Variants in PSME1 observed in about 807,000 individuals in gnomAD.
PSME1 encodes the protein proteasome activator subunit 1.
PSME1 carries 15 observed loss-of-function variants against 38.4 expected under a neutral mutation model. That is an observed-to-expected ratio of 0.39 (90% CI 0.26 to 0.60). The LOEUF (loss-of-function observed/expected upper bound fraction) is 0.60. PSME1 is among the 20% of genes least tolerant of loss of function. The pLI is 0.53. For synonymous variants in PSME1, 106 were observed against 106.8 expected (o/e 0.99, Z 0.05); for missense variants, 249 against 305.6 (o/e 0.81, Z 1.38).
Position 24,138,563 on chromosome 14 carries a change from G to A in PSME1, c.669+3G>A, listed in dbSNP as rs574149922. ...TCATGGAGATCCGCAATGCTTATGT[G>A]AGGAGGCAAGGGCAGGGCAGGGGTG... On this transcript the variant is annotated splice_donor_region_variant and intron_variant, in intron 10 of 10. Coordinates refer to ENST00000206451, the MANE Select transcript of PSME1 (RefSeq NM_006263.4). The A allele has an allele frequency of 6.2e-7, 1 of 1,614,114 alleles. No individual in the cohort carries two copies. Among genetic ancestry groups the A allele is most frequent in the South Asian group, 1.1e-5 (1 of 91,076 alleles).
rs2037899332 is a variant in PSME1 at position 24,136,269 on chromosome 14, A to G, written c.7A>G (p.Met3Val). The G allele has an allele frequency of 6.5e-7, 1 of 1,529,916 alleles. No homozygotes were observed. The highest frequency in any genetic ancestry group is 8.8e-7 in the Non-Finnish European group (1 of 1,139,560). The allele number at this position is 1,529,916 out of a possible 1,614,324, so 94.8% of individuals were successfully genotyped here. ...TAGGCCCCCCGTCCCGGTCATGGCC[A>G]TGCTCAGGGTCCAGCCCGAGGCCCA... MA[M>V]LRVQPEAQAK... The change falls in exon 1 of 11, where the codon ATG becomes GTG. Residue 3 changes from methionine (M) to valine (V), a missense_variant. By Grantham distance (21) the Met-to-Val change is conservative. Transcript: ENST00000206451. This position sits in a 1 kb window ranked among gnomAD's most constrained non-coding sequence, Gnocchi z 4.8.
In PSME1 at chr14:24,138,927, CCT is replaced by C; in HGVS notation, c.*115_*116del. 6.3e-7 allele frequency: 1 copy of C among 1,593,102 alleles called. No homozygotes were observed. The highest frequency in any genetic ancestry group is 1.1e-5 in the South Asian group (1 of 89,404). ...CTGTTGAGATTTTTCCCTCACCTTG[CCT>C]CTCAGGCACAATAAATATAGTTATA... On this transcript the variant is annotated 3_prime_UTR_variant, in exon 11 of 11. Transcript: ENST00000206451.
chr14:24,138,442 G>GT, intron 9 of PSME1, 32 bp from the exon 10 acceptor site: 1 of 1,614,214 alleles, frequency 6.2e-7, no homozygotes. Flanking sequence ...AAGGACACAT[G>GT]TAAGGTCAGG....
Position 24,136,443 on chromosome 14 carries a change from G to A in PSME1, c.39+142G>A. 6.1e-6 allele frequency: 5 copies of A among 821,218 alleles called. No individual in the cohort carries two copies. Among genetic ancestry groups the A allele is most frequent in the Non-Finnish European group, 8.7e-6 (5 of 576,460 alleles). 50.9% of individuals were successfully genotyped at this position (821,218 alleles called of 1,614,324 possible). A position where few individuals can be genotyped will look rare whatever the true frequency, so the allele number is the denominator to read the frequency against. ...GCGCGCCCGGAGCACCTGCGCCCCG[G>A]GGAGGGCGGCGACTGCTGCCTGCGG... On this transcript the variant is annotated intron_variant, in intron 1 of 10. Transcript: ENST00000206451. The surrounding 1 kb of genome is among the most constrained non-coding windows in gnomAD (Gnocchi z 4.8).
At position 24,136,954 on chromosome 14, in the gene PSME1, A is replaced by T. The variant is rs1423376552; in HGVS notation, c.40-31A>T. 1 of 1,613,864 alleles carries T rather than the reference A, an allele frequency of 6.2e-7. No individual in the cohort carries two copies. The highest frequency in any genetic ancestry group is 8.5e-7 in the Non-Finnish European group (1 of 1,180,038). Reference sequence around the variant, plus strand: ...CCTCAAATGAACTGGCCTTAAAGCCAAGTTTCTGAAGGGATGCGTGTGCCC... The same window carrying T: ...CCTCAAATGAACTGGCCTTAAAGCCTAGTTTCTGAAGGGATGCGTGTGCCC... On this transcript the variant is annotated intron_variant, in intron 1 of 10. Transcript: ENST00000206451. This position sits in a 1 kb window ranked among gnomAD's most constrained non-coding sequence, Gnocchi z 4.8.
chr14:24,136,445 G>GA lies in PSME1; in HGVS notation c.39+145dup, dbSNP rs2037903848. 5.0e-6 allele frequency: 4 copies of GA among 793,452 alleles called. No individual in the cohort carries two copies. The highest frequency in any genetic ancestry group is 7.3e-6 in the Non-Finnish European group (4 of 551,280). The allele number at this position is 793,452 out of a possible 1,614,324, so 49.2% of individuals were successfully genotyped here. A position where few individuals can be genotyped will look rare whatever the true frequency, so the allele number is the denominator to read the frequency against. On this transcript the variant is annotated intron_variant, in intron 1 of 10. Coordinates refer to ENST00000206451, the MANE Select transcript of PSME1 (RefSeq NM_006263.4). This position sits in a 1 kb window ranked among gnomAD's most constrained non-coding sequence, Gnocchi z 4.8. ...GCGCCCGGAGCACCTGCGCCCCGGG[G>GA]AGGGCGGCGACTGCTGCCTGCGGGG...
In PSME1 at chr14:24,136,932, C is replaced by T. The variant is rs557589153; in HGVS notation, c.40-53C>T. The T allele has an allele frequency of 4.0e-5, 65 of 1,611,656 alleles. No individual in the cohort carries two copies. The South Asian group carries it at 6.7e-4, about 17-fold the overall frequency. ...TACATAACCCTAAGGGAACTGTCCT[C>T]AAATGAACTGGCCTTAAAGCCAAGT... is the stretch of plus-strand genomic sequence containing the variant. On this transcript the variant is annotated intron_variant, in intron 1 of 10. Transcript: ENST00000206451. This position sits in a 1 kb window ranked among gnomAD's most constrained non-coding sequence, Gnocchi z 4.8.
chr14:24,136,276 G>C lies in PSME1; in HGVS notation c.14G>C (p.Arg5Thr), dbSNP rs764889399. 1 of 1,531,010 alleles carries C rather than the reference G, an allele frequency of 6.5e-7. No homozygotes were observed. The highest frequency in any genetic ancestry group is 8.8e-7 in the Non-Finnish European group (1 of 1,140,174). The allele number at this position is 1,531,010 out of a possible 1,614,324, so 94.8% of individuals were successfully genotyped here. Residue 5 changes from arginine to threonine, a missense_variant, in exon 1 of 11, where the codon AGG becomes ACG. Arg to Thr is a moderately conservative substitution (Grantham distance 71, BLOSUM62 -1). Transcript: ENST00000206451. This position sits in a 1 kb window ranked among gnomAD's most constrained non-coding sequence, Gnocchi z 4.8. ...CCCGTCCCGGTCATGGCCATGCTCA[G>C]GGTCCAGCCCGAGGCCCAAGCCAAG... MAML[R>T]VQPEAQAKVD...
rs11432961 is a variant in PSME1 at position 24,136,247 on chromosome 14, G to GCC, written c.-11_-10dup. ...CACTCCACTCCTTGTGCGGCGCTAG[G>GCC]CCCCCCGTCCCGGTCATGGCCATGC... On this transcript the variant is annotated 5_prime_UTR_variant, in exon 1 of 11. Transcript: ENST00000206451. The surrounding 1 kb of genome is among the most constrained non-coding windows in gnomAD (Gnocchi z 4.8). The GCC allele has an allele frequency of 1.7e-5, 26 of 1,522,036 alleles. No homozygotes were observed. Among genetic ancestry groups the GCC allele is most frequent in the Non-Finnish European group, 2.6e-6 (3 of 1,135,360 alleles). 94.3% of individuals were successfully genotyped at this position (1,522,036 alleles called of 1,614,324 possible).
In PSME1 at chr14:24,138,768, C is replaced by T. The variant is rs774382330; in HGVS notation, c.702C>T (p.Phe234=). 26 of 1,614,042 alleles carry T rather than the reference C, an allele frequency of 1.6e-5. No individual in the cohort carries two copies. Among genetic ancestry groups the T allele is most frequent in the South Asian group, 3.3e-5 (3 of 91,088 alleles). ...TATATGACATCATCCTGAAGAACTTCGAGAAGCTCAAGAAGCCCAGGGGAG... is the reference window on the plus strand; with the variant it reads ...TATATGACATCATCCTGAAGAACTTTGAGAAGCTCAAGAAGCCCAGGGGAG... The part of the protein sequence containing the change: ...AVLYDIILKN[F]EKLKKPRGET... Residue 234 remains phenylalanine, a synonymous_variant, in exon 11 of 11, where the codon TTC becomes TTT. Coordinates refer to ENST00000206451, the MANE Select transcript of PSME1 (RefSeq NM_006263.4).
At position 24,137,157 on chromosome 14, in the gene PSME1, C is replaced by G. The variant is rs138856039; in HGVS notation, c.87C>G (p.Leu29=). 3.1e-6 allele frequency: 5 copies of G among 1,614,026 alleles called. No homozygotes were observed. Among genetic ancestry groups the G allele is most frequent in the Non-Finnish European group, 1.7e-6 (2 of 1,180,022 alleles). Residue 29 remains leucine, a synonymous_variant, in exon 3 of 11, where the codon CTC becomes CTG. Coordinates refer to ENST00000206451, the MANE Select transcript of PSME1 (RefSeq NM_006263.4). ...EDLCTKTENL[L]GSYFPKKISE... ...CTCACACACAGACAGAGAACCTGCT[C>G]GGGAGCTATTTCCCCAAGAAGATTT...
At chr14:24,137,846 T>C in intron 6 of PSME1, 49 bp downstream of exon 6, 1 of 1,587,560 alleles carries the variant, frequency 6.3e-7, no homozygotes, top group Non-Finnish European at 8.6e-7. Context: ...ACCATTGTCC[T>C]CTTGGTCCCT....
At position 24,136,365 on chromosome 14, in the gene PSME1, C is replaced by T; in HGVS notation, c.39+64C>T. 2.1e-6 allele frequency: 3 copies of T among 1,414,852 alleles called. No homozygotes were observed. The highest frequency in any genetic ancestry group is 1.9e-6 in the Non-Finnish European group (2 of 1,069,664). 87.6% of individuals were successfully genotyped at this position (1,414,852 alleles called of 1,614,324 possible). A position where few individuals can be genotyped will look rare whatever the true frequency, so the allele number is the denominator to read the frequency against. On this transcript the variant is annotated intron_variant, in intron 1 of 10. Transcript: ENST00000206451. The surrounding 1 kb of genome is among the most constrained non-coding windows in gnomAD (Gnocchi z 4.8). ...GCGTGGCTGGAGCGGCCGGGGGCAT[C>T]CCCGACCCGCCCCCCAGGCTCCCAC...
rs754289734 is a variant in PSME1, at chr14:24,137,140, C to G, written c.73-3C>G. ...TCCTCCTCCACCCCCACCTCACACACAGACAGAGAACCTGCTCGGGAGCTA... is the reference window on the plus strand; with the variant it reads ...TCCTCCTCCACCCCCACCTCACACAGAGACAGAGAACCTGCTCGGGAGCTA... On this transcript the variant is annotated splice_region_variant and splice_polypyrimidine_tract_variant and intron_variant, in intron 2 of 10. Transcript: ENST00000206451. The G allele has an allele frequency of 1.2e-6, 2 of 1,614,196 alleles. No individual in the cohort carries two copies. The highest frequency in any genetic ancestry group is 3.3e-5 in the Admixed American group (2 of 60,026).
chr14:24,138,812 A>G lies in PSME1; in HGVS notation c.746A>G (p.Tyr249Cys), dbSNP rs757143981. 18 of 1,613,694 alleles carry G rather than the reference A, an allele frequency of 1.1e-5. No homozygotes were observed. Among genetic ancestry groups the G allele is most frequent in the Middle Eastern group, 1.6e-4 (1 of 6,074 alleles). ...KPRGETKGMI[Y>C] Reference sequence around the variant, plus strand: ...AGGGGAGAAACAAAGGGAATGATCTATTGAGAGCCCTCTCTCCCATTCTGT... The same window carrying G: ...AGGGGAGAAACAAAGGGAATGATCTGTTGAGAGCCCTCTCTCCCATTCTGT... The change falls in exon 11 of 11, where the codon TAT becomes TGT. Residue 249 changes from tyrosine (Y) to cysteine (C), a missense_variant. Physicochemically the swap from Tyr to Cys is radical, Grantham distance 194 (BLOSUM62 -2). Coordinates refer to ENST00000206451, the MANE Select transcript of PSME1 (RefSeq NM_006263.4).
intron 2 of PSME1, 60 bp from the exon 3 acceptor site, chr14:24,137,083 T>C: frequency 1.2e-6 from 2 of 1,613,794 alleles, no homozygotes; most frequent in Non-Finnish European, 1.7e-6. Context: ...CCTGCCTCAC[T>C]ACCTAGGACG....
At position 24,137,974 on chromosome 14, in the gene PSME1, G is replaced by T; in HGVS notation, c.391-75G>T. The T allele has an allele frequency of 5.7e-6, 9 of 1,569,442 alleles. No homozygotes were observed. In the South Asian group the frequency reaches 8.9e-5, roughly 16 times the overall value. ...GGCACGCCTCCACCCAGTGTGGGGA[G>T]GGAAGCAAGGGAGAATATGAAACTG... On this transcript the variant is annotated intron_variant, in intron 6 of 10. Transcript: ENST00000206451.
At position 24,136,229 on chromosome 14, in the gene PSME1, C is replaced by A. The variant is rs776872538; in HGVS notation, c.-34C>A. On this transcript the variant is annotated 5_prime_UTR_variant, in exon 1 of 11. Coordinates refer to ENST00000206451, the MANE Select transcript of PSME1 (RefSeq NM_006263.4). The surrounding 1 kb of genome is among the most constrained non-coding windows in gnomAD (Gnocchi z 4.8). Reference sequence around the variant, plus strand: ...CTTTCCCTTCGCGGTGCCCACTCCACTCCTTGTGCGGCGCTAGGCCCCCCG... The same window carrying A: ...CTTTCCCTTCGCGGTGCCCACTCCAATCCTTGTGCGGCGCTAGGCCCCCCG... 3 of 1,517,770 alleles carry A rather than the reference C, an allele frequency of 2.0e-6. No homozygotes were observed. The highest frequency in any genetic ancestry group is 1.7e-4 in the Middle Eastern group (1 of 5,898). The allele number at this position is 1,517,770 out of a possible 1,614,324, so 94.0% of individuals were successfully genotyped here.
At position 24,138,235 on chromosome 14, in the gene PSME1, C is replaced by G. The variant is rs2037950023; in HGVS notation, c.499C>G (p.Leu167Val). 3.7e-6 allele frequency: 6 copies of G among 1,614,216 alleles called. No individual in the cohort carries two copies. The highest frequency in any genetic ancestry group is 5.1e-6 in the Non-Finnish European group (6 of 1,180,050). The change falls in exon 8 of 11, where the codon CTA (leucine) becomes GTA (valine). Residue 167 changes from leucine to valine, a missense_variant. Coordinates refer to ENST00000206451, the MANE Select transcript of PSME1 (RefSeq NM_006263.4). ...GCTGATGACCAGCCTCCACACCAAG[C>G]TAGAAGGCTTCCACACTCAAATCTC... ...FELMTSLHTK[L>V]EGFHTQISKY...
Sources: allele counts gnomAD v4.1 joint callset, GRCh38; gene constraint gnomAD v4.1.1; non-coding constraint Gnocchi (gnomAD v3.1); transcripts MANE v1.5; gene names NCBI Gene and HGNC (gene_info 2026-07-23, HGNC 2026-07-21).